ETNPPL: variants seen among roughly 807,000 people sequenced by gnomAD.
ETNPPL encodes alanine--glyoxylate aminotransferase 2-like 1.
ETNPPL carries 30 observed loss-of-function variants against 55.5 expected under a neutral mutation model. The ratio of observed to expected loss-of-function variants is 0.54; its 90% CI spans 0.40 to 0.73. The LOEUF (loss-of-function observed/expected upper bound fraction) is 0.73. Ranked by LOEUF, ETNPPL falls within the 30% of genes least tolerant of loss-of-function variation. ETNPPL has a pLI of 0.00. For synonymous variants in ETNPPL, 202 were observed against 207.2 expected (o/e 0.98, Z 0.21); for missense variants, 528 against 607.9 (o/e 0.87, Z 1.38).
intron 12 of ETNPPL, 36 bp from the exon 13 acceptor site, chr4:108,742,648 C>T: frequency 6.2e-7 from 1 of 1,612,382 alleles, no homozygotes; most frequent in Non-Finnish European, 8.5e-7. Context: ...AGTGGGCATC[C>T]ACCTCTAATC....
chr4:108,747,962 G>GA (rs1460653444), intron 9 of ETNPPL, 43 bp downstream of exon 9: 7 of 1,524,214 alleles, frequency 4.6e-6, no homozygotes, highest in East Asian at 4.6e-5. Flanking sequence ...TTATTATTTT[G>GA]AAAAAAATGA....
At chr4:108,743,627 G>A (rs1401323059) in intron 12 of ETNPPL, among the ~76,000 whole-genome samples, 162 bp downstream of exon 12, 1 of 152,186 alleles carries the variant, frequency 6.6e-6, no homozygotes, top group East Asian at 1.9e-4. Flanking sequence ...ACTTGCTGTG[G>A]AAATTTAATT....
intron 1 of ETNPPL, 128 bp from the exon 2 acceptor site, chr4:108,760,434 A>T (rs955161860): frequency 2.7e-5 from 14 of 518,254 alleles, no homozygotes; most frequent in Non-Finnish European, 4.9e-5. Flanking sequence ...AACCTGGATG[A>T]CATACATTTC....
chr4:108,762,637 A>G (rs1399610897), intron 1 of ETNPPL: 2 of 675,854 alleles, frequency 3.0e-6, no homozygotes, highest in Non-Finnish European at 5.4e-6. Flanking sequence ...AGCGGGCAGG[A>G]AGCCCAGCGT....
At chr4:108,759,071 A>G (rs6857086) in intron 3 of ETNPPL, among the ~76,000 whole-genome samples, 1,619 of 152,224 alleles carry the variant, frequency 0.011, 35 homozygotes, top group African/African-American at 0.037. Flanking sequence ...TAAATAAATG[A>G]AAGTTGAAAT....
At chr4:108,747,180 A>T (rs1164892835) in intron 9 of ETNPPL, among the ~76,000 whole-genome samples, 7 of 11,348 alleles carry the variant, frequency 6.2e-4, no homozygotes, top group African/African-American at 3.1e-3. Flanking sequence ...ATATATATAT[A>T]ATATATATAT....
chr4:108,757,177 C>T (rs1729248908), intron 3 of ETNPPL, among the ~76,000 whole-genome samples: 1 of 152,174 alleles, frequency 6.6e-6, no homozygotes, highest in Non-Finnish European at 1.5e-5. Context: ...ATTTACCCAA[C>T]ATTTGACTAG....
At chr4:108,762,796 GT>G in intron 1 of ETNPPL, 46 bp downstream of exon 1, 1 of 1,602,292 alleles carries the variant, frequency 6.2e-7, no homozygotes, top group Non-Finnish European at 8.6e-7. Context: ...TTCTGCACTC[GT>G]TATTGCCCCC....
rs1728508402 is a variant in ETNPPL, at chr4:108,746,538, T to C, written c.1173-9A>G. The stretch of plus-strand genomic sequence containing the variant: ...CTCGTTTTTCTTTCATCCTAATTTG[T>C]GTAGGAAATACATGTGAGTGTATGC... On this transcript the variant is annotated splice_polypyrimidine_tract_variant and intron_variant, in intron 10 of 12. Coordinates refer to ENST00000296486, the MANE Select transcript of ETNPPL (RefSeq NM_031279.4). The C allele has an allele frequency of 2.7e-5, 44 of 1,611,580 alleles. No individual in the cohort carries two copies. The highest frequency in any genetic ancestry group is 3.6e-5 in the Non-Finnish European group (43 of 1,179,478).
chr4:108,757,316 G>A (rs1729258389), intron 3 of ETNPPL, among the ~76,000 whole-genome samples: 1 of 152,154 alleles, frequency 6.6e-6, no homozygotes, highest in South Asian at 2.1e-4. Flanking sequence ...ATCATGCTGA[G>A]GATTTTACTT....
At chr4:108,757,918 A>T (rs1729299158) in intron 3 of ETNPPL, among the ~76,000 whole-genome samples, 3 of 152,172 alleles carry the variant, frequency 2.0e-5, no homozygotes, top group South Asian at 2.1e-4. Context: ...TTGGTTTTAA[A>T]ATATCTTAAT....
chr4:108,752,315 T>C (rs1174338639), intron 6 of ETNPPL, among the ~76,000 whole-genome samples: 1 of 152,148 alleles, frequency 6.6e-6, no homozygotes, highest in African/African-American at 2.4e-5. Context: ...AACCTACAGA[T>C]GGGCTGAGAA....
At chr4:108,760,456 T>C (rs935271490) in intron 1 of ETNPPL, 150 bp from the exon 2 acceptor site, 8 of 508,536 alleles carry the variant, frequency 1.6e-5, no homozygotes, top group African/African-American at 3.7e-5. Flanking sequence ...TTTCATTTCA[T>C]GTAAACCTGG....
intron 12 of ETNPPL, among the ~76,000 whole-genome samples, chr4:108,742,992 A>T (rs1728291806): frequency 6.6e-6 from 1 of 152,168 alleles, no homozygotes; most frequent in Non-Finnish European, 1.5e-5. Context: ...AGAATAATTG[A>T]TTCCTATAAT....
intron 3 of ETNPPL, 79 bp from the exon 4 acceptor site, chr4:108,756,571 T>G: frequency 5.5e-5 from 59 of 1,079,806 alleles, no homozygotes; most frequent in Non-Finnish European, 8.1e-5. Context: ...GCACGGTAGC[T>G]CACGCCTGTA....
intron 11 of ETNPPL, 64 bp downstream of exon 11, chr4:108,746,335 C>T: frequency 4.0e-6 from 6 of 1,501,864 alleles, no homozygotes; most frequent in Non-Finnish European, 5.4e-6. Context: ...ATGACTAGAC[C>T]AGGGTTTGAG....
chr4:108,742,641 G>A (rs776687686), intron 12 of ETNPPL, 29 bp from the exon 13 acceptor site: 1 of 1,612,796 alleles, frequency 6.2e-7, no homozygotes, highest in South Asian at 1.1e-5. Context: ...AAGCTCCAGT[G>A]GGCATCCACC....
In ETNPPL at chr4:108,762,979, G is replaced by C; in HGVS notation, c.-81C>G. 7.3e-7 allele frequency: 1 copy of C among 1,369,528 alleles called. No homozygotes were observed. The highest frequency in any genetic ancestry group is 1.7e-5 in the Admixed American group (1 of 57,578). 84.8% of individuals were successfully genotyped at this position (1,369,528 alleles called of 1,614,324 possible). The stretch of plus-strand genomic sequence containing the variant: ...TACGCGAGCCTGGGACTGCCTTGGC[G>C]GCCCCGGCCGGCCTTCCTCCCGTTA... On this transcript the variant is annotated 5_prime_UTR_variant, in exon 1 of 13. Transcript: ENST00000296486.
In ETNPPL at chr4:108,762,908, G is replaced by A. The variant is rs1408745107; in HGVS notation, c.-10C>T. 1 of 1,613,914 alleles carries A rather than the reference G, an allele frequency of 6.2e-7. No individual in the cohort carries two copies. The highest frequency in any genetic ancestry group is 8.5e-7 in the Non-Finnish European group (1 of 1,179,834). ...TGTACAGCTCGCACATGGTGGCGGG[G>A]TGCAGGGCGCTGCGAAGGTGCAAGG... On this transcript the variant is annotated 5_prime_UTR_variant, in exon 1 of 13. Transcript: ENST00000296486.
Sources: gnomAD v4.1 joint callset for allele counts (sites outside exome capture counted in the v4.1 genomes callset) on GRCh38, gnomAD v4.1.1 for gene constraint, MANE v1.5 for transcripts, NCBI Gene and HGNC (gene_info 2026-07-23, HGNC 2026-07-21) for gene names.